The following TOX variants were observed in gnomAD, a reference collection of about 807,000 sequenced individuals.
TOX encodes thymocyte selection associated high mobility group box.
In TOX, 11 loss-of-function variants were observed where a neutral mutation model predicts 53.7. The ratio of observed to expected loss-of-function variants is 0.20; its 90% CI spans 0.13 to 0.34. TOX has a LOEUF of 0.34. Among genes scored for constraint, TOX ranks in the 10% least tolerant of loss-of-function variants. The pLI is 1.00. For synonymous variants in TOX, 225 were observed against 245.3 expected (o/e 0.92, Z 0.77); for missense variants, 570 against 664.6 (o/e 0.86, Z 1.56).
chr8:58,913,235 G>C (rs1478210855), intron 3 of TOX, among the ~76,000 whole-genome samples: 1 of 152,204 alleles, frequency 6.6e-6, no homozygotes, highest in South Asian at 2.1e-4. Context: ...AGGATCACTT[G>C]AGGCCAGGAG....
At chr8:59,045,582 A>G (rs172652) in intron 1 of TOX, among the ~76,000 whole-genome samples, 130,067 of 152,124 alleles carry the variant, frequency 0.86, 55,897 homozygotes, top group East Asian at 1. Flanking sequence ...AGGTCACGAC[A>G]AATTCTGGAG....
chr8:59,004,036 T>C (rs1477832285), intron 1 of TOX, among the ~76,000 whole-genome samples: 5 of 152,362 alleles, frequency 3.3e-5, no homozygotes, highest in African/African-American at 1.2e-4. Context: ...ATCACTACAT[T>C]CTATTGATTC....
At chr8:59,076,079 G>A (rs1435846699) in intron 1 of TOX, among the ~76,000 whole-genome samples, 1 of 151,832 alleles carries the variant, frequency 6.6e-6, no homozygotes, top group Admixed American at 6.6e-5. Context: ...TCAGAGAGAA[G>A]AAGGCGCTGT....
chr8:59,071,887 T>C (rs527715419), intron 1 of TOX, among the ~76,000 whole-genome samples: 1 of 152,360 alleles, frequency 6.6e-6, no homozygotes, highest in African/African-American at 2.4e-5. Context: ...ATTTTAATTC[T>C]TCTATTTTCT....
intron 1 of TOX, among the ~76,000 whole-genome samples, chr8:59,015,644 C>G (rs1250185015): frequency 6.6e-6 from 1 of 152,092 alleles, no homozygotes; most frequent in African/African-American, 2.4e-5. Flanking sequence ...ATAAAAAAGA[C>G]AGTGCTTTAT....
intron 4 of TOX, among the ~76,000 whole-genome samples, chr8:58,847,529 A>G (rs1436673235): frequency 6.6e-6 from 1 of 152,152 alleles, no homozygotes; most frequent in Admixed American, 6.6e-5. Context: ...TATGAAAAAG[A>G]GTCATGGAAA....
At chr8:58,828,287 T>A (rs1453323961) in intron 5 of TOX, among the ~76,000 whole-genome samples, 3 of 152,222 alleles carry the variant, frequency 2.0e-5, no homozygotes, top group Non-Finnish European at 2.9e-5. Flanking sequence ...AACAGAATTA[T>A]AACAGGACTG....
intron 1 of TOX, among the ~76,000 whole-genome samples, chr8:59,021,830 C>A (rs575646865): frequency 1.9e-4 from 29 of 152,030 alleles, no homozygotes; most frequent in Non-Finnish European, 3.8e-4. Context: ...TTTTTATTAA[C>A]TTTTCCTGAA....
At chr8:58,897,049 T>TGGGTTTTTTTATTA (rs1811660743) in intron 3 of TOX, among the ~76,000 whole-genome samples, 1 of 152,222 alleles carries the variant, frequency 6.6e-6, no homozygotes, top group African/African-American at 2.4e-5. Context: ...CTGGAGATAA[T>TGGGTTTTTTTATTA]AATAAAAATA....
chr8:58,949,015 T>C (rs1340302820), intron 2 of TOX, among the ~76,000 whole-genome samples: 1 of 152,198 alleles, frequency 6.6e-6, no homozygotes, highest in Non-Finnish European at 1.5e-5. Flanking sequence ...AAATGCTGAA[T>C]ACAGATCTCA....
rs148800261 is a variant in TOX at position 59,021,463 on chromosome 8, C to CAAAAAAAAA, written c.103-61464_103-61456dup. Among the ~76,000 whole-genome samples, 24 of 69,674 alleles carry CAAAAAAAAA rather than the reference C, an allele frequency of 3.4e-4. 2 individuals carry two copies. The highest frequency in any genetic ancestry group is 1.0e-3 in the Admixed American group (6 of 6,008). 45.7% of individuals were successfully genotyped at this position (69,674 alleles called of 152,430 possible). On this transcript the variant is annotated intron_variant, in intron 1 of 8. Transcript: ENST00000361421. ...GCCAGGCAACAGGTTTTTCTACAAG[C>CAAAAAAAAA]AAAAAAAAAAAAAAAAAAATATATA...
intron 1 of TOX, among the ~76,000 whole-genome samples, chr8:59,074,280 A>C (rs2129422786): frequency 6.6e-6 from 1 of 152,332 alleles, no homozygotes; most frequent in African/African-American, 2.4e-5. Flanking sequence ...TAGTAAATGT[A>C]ATTCCTACAT....
In TOX at chr8:58,935,810, T is replaced by G. The variant is rs138752415; in HGVS notation, c.411+3492A>C. Reference sequence around the variant, plus strand: ...AGTAAGTTTTTACAAGGAAGTGTGATGAGCAAATTTAATATTCAAAGTTTC... The same window carrying G: ...AGTAAGTTTTTACAAGGAAGTGTGAGGAGCAAATTTAATATTCAAAGTTTC... On this transcript the variant is annotated intron_variant, in intron 3 of 8. Transcript: ENST00000361421. 1.0e-3 allele frequency among the ~76,000 whole-genome samples: 159 copies of G among 152,358 alleles called. 1 individual carries two copies. In the East Asian group the frequency reaches 0.028, roughly 26 times the overall value.
chr8:58,922,014 TA>T (rs1812083195), intron 3 of TOX, among the ~76,000 whole-genome samples: 1 of 152,214 alleles, frequency 6.6e-6, no homozygotes, highest in Non-Finnish European at 1.5e-5. Flanking sequence ...TCTTGGTCCC[TA>T]ATTTTCCCTC....
chr8:58,841,676 T>G (rs1210820185), intron 4 of TOX, among the ~76,000 whole-genome samples: 1 of 152,068 alleles, frequency 6.6e-6, no homozygotes, highest in Non-Finnish European at 1.5e-5. Context: ...TTAAAAAAAG[T>G]GACTAGGTGA....
chr8:59,025,986 T>A (rs1033581525), intron 1 of TOX, among the ~76,000 whole-genome samples: 1 of 152,142 alleles, frequency 6.6e-6, no homozygotes, highest in East Asian at 1.9e-4. Flanking sequence ...ACCACGTGAG[T>A]GTAAACACAC....
chr8:58,844,094 A>T (rs1810685344), intron 4 of TOX, among the ~76,000 whole-genome samples: 1 of 152,122 alleles, frequency 6.6e-6, no homozygotes, highest in South Asian at 2.1e-4. Context: ...GCATAGATGG[A>T]TGGAAGCTTA....
At chr8:59,104,421 G>A (rs991865169) in intron 1 of TOX, among the ~76,000 whole-genome samples, 5 of 152,008 alleles carry the variant, frequency 3.3e-5, no homozygotes, top group Non-Finnish European at 7.4e-5. Flanking sequence ...GCGTTGCCTC[G>A]TTTTCTCTCT....
At chr8:59,110,683 C>A (rs1458226955) in intron 1 of TOX, among the ~76,000 whole-genome samples, 1 of 151,996 alleles carries the variant, frequency 6.6e-6, no homozygotes, top group Non-Finnish European at 1.5e-5. Flanking sequence ...CTCATAATAG[C>A]ATCTCTCCTT....
Sources: allele counts gnomAD v4.1 joint callset (sites outside exome capture counted in the v4.1 genomes callset), GRCh38; gene constraint gnomAD v4.1.1; transcripts MANE v1.5; gene names NCBI Gene and HGNC (gene_info 2026-07-23, HGNC 2026-07-21).